The following SBNO2 variants were observed in gnomAD, a reference collection of about 807,000 sequenced individuals.
SBNO2 encodes the protein protein strawberry notch homolog 2.
SBNO2 carries 89 observed loss-of-function variants against 146.3 expected under a neutral mutation model. The ratio of observed to expected loss-of-function variants is 0.61; its 90% CI spans 0.51 to 0.73. SBNO2 has a LOEUF of 0.73. SBNO2 is among the 30% of genes least tolerant of loss of function. The pLI, the probability that SBNO2 is intolerant of heterozygous loss-of-function variation, is 0.00. For synonymous variants in SBNO2, 1,147 were observed against 892.6 expected, an observed-to-expected ratio of 1.29 and a Z score of -5.08; for missense variants, 2,092 against 2,003.7, an observed-to-expected ratio of 1.04 and a Z score of -0.84.
Position 1,110,998 on chromosome 19 carries a change from G to A in SBNO2, c.2884+21C>T, listed in dbSNP as rs1030769059. The A allele has an allele frequency of 6.2e-7, 1 of 1,600,410 alleles. No individual in the cohort carries two copies. On this transcript the variant is annotated intron_variant, in intron 25 of 31. Coordinates refer to ENST00000361757, the MANE Select transcript of SBNO2 (RefSeq NM_014963.3). This position sits in a 1 kb window ranked among gnomAD's most constrained non-coding sequence, Gnocchi z 4.9. ...AGATGAGAGACAGGAGCGCCTCTGG[G>A]CCTGGGTGTGGGGCACTCACCCTTC...
Position 1,126,991 on chromosome 19 carries a change from A to T in SBNO2, c.441+613T>A, listed in dbSNP as rs1230564608. On this transcript the variant is annotated intron_variant, in intron 5 of 31. Transcript: ENST00000361757. The surrounding 1 kb of genome is among the most constrained non-coding windows in gnomAD (Gnocchi z 4.4). ...CCCAGGTCCTTCAGGAGCTTCTTGGAGGCAAACCCCAGCCCCTCAGCCCCC... is the reference window on the plus strand; with the variant it reads ...CCCAGGTCCTTCAGGAGCTTCTTGGTGGCAAACCCCAGCCCCTCAGCCCCC... Among the ~76,000 whole-genome samples the T allele has an allele frequency of 1.3e-5, 2 of 152,038 alleles. No individual in the cohort carries two copies. The highest frequency in any genetic ancestry group is 2.9e-5 in the Non-Finnish European group (2 of 67,976).
chr19:1,166,872 C>T (rs1037271862), intron 1 of SBNO2, among the ~76,000 whole-genome samples: 4 of 152,188 alleles, frequency 2.6e-5, no homozygotes, highest in Non-Finnish European at 5.9e-5. Context: ...CTCACATCAG[C>T]GGCCTCAGGC....
intron 1 of SBNO2, among the ~76,000 whole-genome samples, chr19:1,164,972 C>CAGGAGGAGGAGG (rs1259604106): frequency 1.5e-5 from 1 of 68,960 alleles, no homozygotes; most frequent in Non-Finnish European, 3.0e-5. Context: ...GGAGGAGGAA[C>CAGGAGGAGGAGG]AGGAGGAGGA....
At position 1,110,769 on chromosome 19, in the gene SBNO2, C is replaced by T. The variant is rs1027630644; in HGVS notation, c.3004G>A (p.Gly1002Ser). The T allele has an allele frequency of 4.3e-6, 7 of 1,613,562 alleles. No individual in the cohort carries two copies. In the Admixed American group the frequency reaches 6.7e-5, roughly 15 times the overall value. Reference sequence around the variant, plus strand: ...CCCAGGATGCCCATGTCGTATTTGCCCTCCCGCTTGTCCATCTCGATGAGG... The same window carrying T: ...CCCAGGATGCCCATGTCGTATTTGCTCTCCCGCTTGTCCATCTCGATGAGG... ...DHLIEMDKRE[G>S]KYDMGILDLA... Residue 1002 changes from glycine to serine, a missense_variant, in exon 26 of 32, where the codon GGC becomes AGC. Physicochemically the swap from Gly to Ser is moderately conservative, Grantham distance 56. Coordinates refer to ENST00000361757, the MANE Select transcript of SBNO2 (RefSeq NM_014963.3). The surrounding 1 kb of genome is among the most constrained non-coding windows in gnomAD (Gnocchi z 4.9).
chr19:1,147,326 T>C lies in SBNO2; in HGVS notation c.262A>G (p.Thr88Ala), dbSNP rs1385072413. ...GCTCCTACCTGAGCAAAGTCGCAGGTCTTTGGTGGCAAGCTGGAGGCGGTG... is the reference window on the plus strand; with the variant it reads ...GCTCCTACCTGAGCAAAGTCGCAGGCCTTTGGTGGCAAGCTGGAGGCGGTG... ...VATASSLPPK[T>A]CDFAQDSSYF... Residue 88 changes from threonine (T) to alanine (A), a missense_variant, in exon 4 of 32, where the codon ACC (threonine) becomes GCC (alanine). Physicochemically the swap from Thr to Ala is moderately conservative, Grantham distance 58 (BLOSUM62 0). Coordinates refer to ENST00000361757, the MANE Select transcript of SBNO2 (RefSeq NM_014963.3). 1.3e-6 allele frequency: 2 copies of C among 1,576,096 alleles called. No individual in the cohort carries two copies. Among genetic ancestry groups the C allele is most frequent in the Non-Finnish European group, 1.7e-6 (2 of 1,164,456 alleles).
chr19:1,120,046 A>C, intron 11 of SBNO2, 23 bp from the exon 12 acceptor site: 2 of 1,540,510 alleles, frequency 1.3e-6, no homozygotes, highest in South Asian at 2.4e-5. Flanking sequence ...TGGGTTAAGG[A>C]GTATTCTGAA....
In SBNO2 at chr19:1,112,761, G is replaced by A; in HGVS notation, c.2379+57C>T. 4.0e-6 allele frequency: 6 copies of A among 1,512,390 alleles called. No individual in the cohort carries two copies. The allele number at this position is 1,512,390 out of a possible 1,614,324, so 93.7% of individuals were successfully genotyped here. On this transcript the variant is annotated intron_variant, in intron 20 of 31. Coordinates refer to ENST00000361757, the MANE Select transcript of SBNO2 (RefSeq NM_014963.3). The surrounding 1 kb of genome is among the most constrained non-coding windows in gnomAD (Gnocchi z 5.9). The stretch of plus-strand genomic sequence containing the variant: ...GTCCACAGTCCCCGGGGACCCTTGG[G>A]CCCCTCTGTGCCTCTTGGGTCCCGT...
intron 11 of SBNO2, 85 bp from the exon 12 acceptor site, chr19:1,120,108 T>C: frequency 9.6e-7 from 1 of 1,040,914 alleles, no homozygotes; most frequent in Non-Finnish European, 1.4e-6. Context: ...GACCCCACCT[T>C]CCTGGTGGGG....
At position 1,123,641 on chromosome 19, in the gene SBNO2, T is replaced by G; in HGVS notation, c.523-2A>C. 6.2e-7 allele frequency: 1 copy of G among 1,610,262 alleles called. No individual in the cohort carries two copies. The highest frequency in any genetic ancestry group is 8.5e-7 in the Non-Finnish European group (1 of 1,178,586). ...TGGCTGGCTCTGCACACTCTGCTCCTGCGTGCGTGGCGGGAGCTCAGCGGA... is the reference window on the plus strand; with the variant it reads ...TGGCTGGCTCTGCACACTCTGCTCCGGCGTGCGTGGCGGGAGCTCAGCGGA... On this transcript the variant is annotated splice_acceptor_variant, in intron 6 of 31. Transcript: ENST00000361757. LOFTEE classifies it high-confidence loss of function.
chr19:1,109,155 C>T lies in SBNO2; in HGVS notation c.3405G>A (p.Thr1135=), dbSNP rs983630571. ...CTCACCAGGCGCTGTGGCTGCAGTG[C>T]GTCAGCGACAAAGCGTAGCCACTCT... ...PWESGYALSL[T]HCSHSAWNRH... The change falls in exon 30 of 32, where the codon ACG becomes ACA. Residue 1135 remains threonine (T), a synonymous_variant. Transcript: ENST00000361757. The surrounding 1 kb of genome is among the most constrained non-coding windows in gnomAD (Gnocchi z 4.2). 4.2e-5 allele frequency: 65 copies of T among 1,555,460 alleles called. No homozygotes were observed. The highest frequency in any genetic ancestry group is 4.8e-5 in the Non-Finnish European group (55 of 1,150,318).
In SBNO2 at chr19:1,150,287, G is replaced by A. The variant is rs997382703; in HGVS notation, c.94-845C>T. ...GATGGGGAGCACACGGGGCAGCAGCGGGCCCAAGGGCGGCAGCGGGCCCAG... is the reference window on the plus strand; with the variant it reads ...GATGGGGAGCACACGGGGCAGCAGCAGGCCCAAGGGCGGCAGCGGGCCCAG... On this transcript the variant is annotated intron_variant, in intron 2 of 31. Coordinates refer to ENST00000361757, the MANE Select transcript of SBNO2 (RefSeq NM_014963.3). This position sits in a 1 kb window ranked among gnomAD's most constrained non-coding sequence, Gnocchi z 6.2. Among the ~76,000 whole-genome samples the A allele has an allele frequency of 2.6e-5, 4 of 152,196 alleles. No individual in the cohort carries two copies. The highest frequency in any genetic ancestry group is 3.9e-4 in the East Asian group (2 of 5,176).
chr19:1,109,275 GCCCGGCGGCCGCCTA>G lies in SBNO2; in HGVS notation c.3348+2_3348+16del. The G allele has an allele frequency of 6.3e-7, 1 of 1,584,758 alleles. No individual in the cohort carries two copies. Among genetic ancestry groups the G allele is most frequent in the Non-Finnish European group, 8.6e-7 (1 of 1,166,368 alleles). ...GGCCGGCAACCCGAGCGAAAGCTGC[GCCCGGCGGCCGCCTA>G]CCCGGTGGAACTTGCGGCGGAGGCT... On this transcript the variant is annotated splice_donor_variant and splice_donor_5th_base_variant and intron_variant, in intron 29 of 31. Transcript: ENST00000361757. LOFTEE classifies it high-confidence loss of function. The surrounding 1 kb of genome is among the most constrained non-coding windows in gnomAD (Gnocchi z 4.2).
intron 4 of SBNO2, among the ~76,000 whole-genome samples, chr19:1,130,116 C>T (rs989133257): frequency 5.9e-5 from 9 of 152,140 alleles, no homozygotes; most frequent in African/African-American, 9.7e-5. Flanking sequence ...CCTGAGGAGA[C>T]GCCTAAACAC....
At chr19:1,142,958 C>A (rs1012623151) in intron 4 of SBNO2, among the ~76,000 whole-genome samples, 1 of 151,922 alleles carries the variant, frequency 6.6e-6, no homozygotes, top group East Asian at 1.9e-4. Context: ...GAGTAAGAGT[C>A]GGTCTCCAGA....
chr19:1,113,917 C>T lies in SBNO2; in HGVS notation c.2078-213G>A, dbSNP rs1049602548. On this transcript the variant is annotated intron_variant, in intron 18 of 31. Coordinates refer to ENST00000361757, the MANE Select transcript of SBNO2 (RefSeq NM_014963.3). ...TGGGGCGAGACTAAGCCTCCTGTCG[C>T]GGACCAAACACTGTGACCTCACTGC... Among the ~76,000 whole-genome samples the T allele has an allele frequency of 5.9e-5, 9 of 152,190 alleles. No individual in the cohort carries two copies. In the East Asian group the frequency reaches 9.6e-4, roughly 16 times the overall value.
intron 4 of SBNO2, chr19:1,131,969 CCTCGGACTCTAGG>C: frequency 1.6e-6 from 1 of 626,406 alleles, no homozygotes; most frequent in Non-Finnish European, 2.5e-6. Flanking sequence ...ATCCTGGCGG[CCTCGGACTCTAGG>C]ATGAGATGCC....
chr19:1,128,954 G>A lies in SBNO2; in HGVS notation c.280-1189C>T, dbSNP rs138671679. Among the ~76,000 whole-genome samples, 714 of 121,218 alleles carry A rather than the reference G, an allele frequency of 5.9e-3. 7 individuals carry two copies. Among genetic ancestry groups the A allele is most frequent in the African/African-American group, 0.02 (669 of 33,898 alleles). The allele number at this position is 121,218 out of a possible 152,430, so 79.5% of individuals were successfully genotyped here. On this transcript the variant is annotated intron_variant, in intron 4 of 31. Transcript: ENST00000361757. Reference sequence around the variant, plus strand: ...ACTACATTCCAGCCTGGGTGACAGAGCAAGACTCTGTCTCAAAAAAAAAAA... The same window carrying A: ...ACTACATTCCAGCCTGGGTGACAGAACAAGACTCTGTCTCAAAAAAAAAAA...
At chr19:1,132,922 T>G (rs897540955) in intron 4 of SBNO2, among the ~76,000 whole-genome samples, 1 of 152,208 alleles carries the variant, frequency 6.6e-6, no homozygotes, top group Non-Finnish European at 1.5e-5. Context: ...CGTTCTCGCT[T>G]TGGTAGAAAA....
In SBNO2 at chr19:1,111,072, G is replaced by C. The variant is rs1401789693; in HGVS notation, c.2831C>G (p.Ser944Cys). ...FFRDMKQGLL[S>C]VGIGGRESRN... ...GGACTCCCGGCCACCAATGCCCACA[G>C]ACAGCAGGCCCTGCTTCATGTCTGC... is the stretch of plus-strand genomic sequence containing the variant. The change falls in exon 25 of 32, where the codon TCT becomes TGT. Residue 944 changes from serine (S) to cysteine (C), a missense_variant. Coordinates refer to ENST00000361757, the MANE Select transcript of SBNO2 (RefSeq NM_014963.3). 1 of 1,558,824 alleles carries C rather than the reference G, an allele frequency of 6.4e-7. No individual in the cohort carries two copies.
Sources: gnomAD v4.1 joint callset for allele counts (sites outside exome capture counted in the v4.1 genomes callset) on GRCh38, gnomAD v4.1.1 for gene constraint, Gnocchi (gnomAD v3.1) non-coding constraint, MANE v1.5 for transcripts, NCBI Gene and HGNC (gene_info 2026-07-23, HGNC 2026-07-21) for gene names.